RSRC1: variants seen among roughly 807,000 people sequenced by gnomAD.
The protein encoded by RSRC1 is serine/Arginine-related protein 53.
RSRC1 carries 39 observed loss-of-function variants against 49.1 expected under a neutral mutation model. The observed-to-expected ratio is 0.79, with a 90% confidence interval of 0.61 to 1.04. RSRC1 has a LOEUF of 1.04. Among genes scored for constraint, RSRC1 ranks in the 50% least tolerant of loss-of-function variants. The pLI is 0.00. For missense variants in RSRC1, 388 were observed against 402.4 expected, an observed-to-expected ratio of 0.96 and a Z score of 0.31; for synonymous variants, 143 against 130.8, an observed-to-expected ratio of 1.09 and a Z score of -0.63.
intron 3 of RSRC1, among the ~76,000 whole-genome samples, chr3:158,151,115 G>A (rs4680417): frequency 0.63 from 95,858 of 152,054 alleles, 30,848 homozygotes; most frequent in African/African-American, 0.73. Context: ...GGAGGCCCCT[G>A]CAACAAAAGA....
chr3:158,243,792 C>T (rs540512021), intron 4 of RSRC1, among the ~76,000 whole-genome samples: 7 of 151,858 alleles, frequency 4.6e-5, no homozygotes, highest in Non-Finnish European at 8.8e-5. Context: ...TATTTTATTC[C>T]TTTTGTGACA....
intron 7 of RSRC1, chr3:158,469,323 T>C (rs1319659916): frequency 2.3e-6 from 1 of 443,118 alleles, no homozygotes; most frequent in Non-Finnish European, 4.5e-6. Flanking sequence ...TCCTAAAGTC[T>C]ACTACATCTT....
chr3:158,364,924 A>G (rs1377554576), intron 6 of RSRC1, among the ~76,000 whole-genome samples: 2 of 151,354 alleles, frequency 1.3e-5, no homozygotes, highest in Non-Finnish European at 2.9e-5. Context: ...GAATTATAAT[A>G]ATGTGTACCT....
chr3:158,442,459 A>C (rs1165761377), intron 6 of RSRC1, among the ~76,000 whole-genome samples: 1 of 152,042 alleles, frequency 6.6e-6, no homozygotes, highest in African/African-American at 2.4e-5. Context: ...TTTTTTGTTA[A>C]TACTTAAGAA....
At chr3:158,214,708 T>C (rs1238162594) in intron 4 of RSRC1, among the ~76,000 whole-genome samples, 4 of 151,870 alleles carry the variant, frequency 2.6e-5, no homozygotes, top group Admixed American at 2.0e-4. Context: ...ATATGAAATA[T>C]ATGATTTCAA....
rs771452059 is a variant in RSRC1 at position 158,354,879 on chromosome 3, C to A, written c.554C>A (p.Ala185Asp). 1 of 1,550,568 alleles carries A rather than the reference C, an allele frequency of 6.4e-7. No individual in the cohort carries two copies. The highest frequency in any genetic ancestry group is 1.2e-5 in the South Asian group (1 of 81,548). Residue 185 changes from alanine to aspartate, a missense_variant, in exon 6 of 10, where the codon GCC (alanine) becomes GAC (aspartate). Physicochemically the swap from Ala to Asp is moderately radical, Grantham distance 126. Coordinates refer to ENST00000611884, the MANE Select transcript of RSRC1 (RefSeq NM_001271838.2). ...EHLPPAEQAK[A>D]RLQLVLEAAA... The stretch of plus-strand genomic sequence containing the variant: ...TAGCCACCAGCTGAACAGGCCAAAG[C>A]CAGACTACAGCTGGTTCTTGAAGCT...
intron 1 of RSRC1, among the ~76,000 whole-genome samples, chr3:158,113,371 CTTT>C (rs34005788): frequency 1.4e-5 from 2 of 138,598 alleles, no homozygotes; most frequent in Non-Finnish European, 1.5e-5. Context: ...TGTTTTTTGA[CTTT>C]TTTTTTTTTT....
At chr3:158,246,373 T>A (rs1723893634) in intron 4 of RSRC1, among the ~76,000 whole-genome samples, 1 of 147,238 alleles carries the variant, frequency 6.8e-6, no homozygotes, top group Non-Finnish European at 1.5e-5. Flanking sequence ...GTTGTGCACA[T>A]GTACCTTAAA....
At chr3:158,177,612 G>T (rs1214791920) in intron 3 of RSRC1, among the ~76,000 whole-genome samples, 2 of 151,878 alleles carry the variant, frequency 1.3e-5, no homozygotes, top group Non-Finnish European at 2.9e-5. Context: ...GGACACGGGG[G>T]CGGGGGAACA....
chr3:158,448,256 T>C (rs1461489807), intron 6 of RSRC1, among the ~76,000 whole-genome samples: 1 of 151,706 alleles, frequency 6.6e-6, no homozygotes, highest in Non-Finnish European at 1.5e-5. Flanking sequence ...TGCCTTTCTT[T>C]GAGAGAATAA....
chr3:158,378,697 T>A (rs1036262626), intron 6 of RSRC1, among the ~76,000 whole-genome samples: 1 of 152,190 alleles, frequency 6.6e-6, no homozygotes, highest in African/African-American at 2.4e-5. Flanking sequence ...TCTGATTCTC[T>A]CTTTTCTAGG....
At chr3:158,370,171 G>A (rs1010394826) in intron 6 of RSRC1, among the ~76,000 whole-genome samples, 1 of 151,760 alleles carries the variant, frequency 6.6e-6, no homozygotes, top group Non-Finnish European at 1.5e-5. Context: ...CTGGATAGTG[G>A]GATTTAGGGT....
chr3:158,173,456 T>C (rs551896162), intron 3 of RSRC1, among the ~76,000 whole-genome samples: 16 of 152,152 alleles, frequency 1.1e-4, no homozygotes, highest in African/African-American at 3.6e-4. Context: ...ACTTCAAGTC[T>C]TCTATTGTCT....
intron 4 of RSRC1, among the ~76,000 whole-genome samples, chr3:158,281,527 C>G (rs1307701879): frequency 6.6e-6 from 1 of 152,044 alleles, no homozygotes; most frequent in Admixed American, 6.6e-5. Flanking sequence ...GAGCTCTTAC[C>G]TTTGGTGGCT....
rs768767131 is a variant in RSRC1, at chr3:158,379,192, C to CTT, written c.583+24309_583+24310dup. On this transcript the variant is annotated intron_variant, in intron 6 of 9. Coordinates refer to ENST00000611884, the MANE Select transcript of RSRC1 (RefSeq NM_001271838.2). ...TTTAAAACCTTGATCAGAAATACCA[C>CTT]TTTTTTTTTTTTTTTTTTTTTTTTT... 5.5e-3 allele frequency among the ~76,000 whole-genome samples: 513 copies of CTT among 93,912 alleles called. 45 individuals carry two copies. The highest frequency in any genetic ancestry group is 0.012 in the African/African-American group (302 of 24,196). The allele number at this position is 93,912 out of a possible 152,430, so 61.6% of individuals were successfully genotyped here.
At chr3:158,180,544 C>G (rs940459202) in intron 3 of RSRC1, among the ~76,000 whole-genome samples, 2 of 151,072 alleles carry the variant, frequency 1.3e-5, no homozygotes, top group Non-Finnish European at 2.9e-5. Flanking sequence ...TCACTGTAGC[C>G]TCTTTCTCCC....
At position 158,409,032 on chromosome 3, in the gene RSRC1, G is replaced by GAAT. The variant is rs751686079; in HGVS notation, c.584-51884_584-51882dup. On this transcript the variant is annotated intron_variant, in intron 6 of 9. Transcript: ENST00000611884. ...TGGGCAACAAGACAAGATTCCGTCT[G>GAAT]AATAATAATAATAATAATAATTAAT... Among the ~76,000 whole-genome samples, 435 of 151,326 alleles carry GAAT rather than the reference G, an allele frequency of 2.9e-3. 3 individuals are homozygous for GAAT. Among genetic ancestry groups the GAAT allele is most frequent in the Middle Eastern group, 3.4e-3 (1 of 292 alleles).
intron 1 of RSRC1, among the ~76,000 whole-genome samples, chr3:158,120,836 T>G (rs1715208222): frequency 6.6e-6 from 1 of 150,790 alleles, no homozygotes; most frequent in Non-Finnish European, 1.5e-5. Context: ...TCCTAAGTGA[T>G]TACAACGAAT....
intron 5 of RSRC1, among the ~76,000 whole-genome samples, chr3:158,339,313 A>G: frequency 6.6e-6 from 1 of 151,860 alleles, no homozygotes; most frequent in East Asian, 1.9e-4. Context: ...AAAAAAAAAA[A>G]AAAAAAAAAA....
Sources: gnomAD v4.1 joint callset for allele counts (sites outside exome capture counted in the v4.1 genomes callset) on GRCh38, gnomAD v4.1.1 for gene constraint, MANE v1.5 for transcripts, NCBI Gene and HGNC (gene_info 2026-07-23, HGNC 2026-07-21) for gene names.